The following STYXL1 variants were observed in gnomAD, a reference collection of about 807,000 sequenced individuals.
STYXL1 encodes the protein serine/threonine/tyrosine interacting like 1, also known as serine/threonine/tyrosine-interacting-like protein 1.
In STYXL1, 32 loss-of-function variants were observed where a neutral mutation model predicts 36.4. That is an observed-to-expected ratio of 0.88 (90% CI 0.66 to 1.18). The LOEUF (loss-of-function observed/expected upper bound fraction) is 1.18. STYXL1 is among the 50% of genes most tolerant of loss of function. The pLI, the probability that STYXL1 is intolerant of heterozygous loss-of-function variation, is 0.00. For synonymous variants in STYXL1, 133 were observed against 144.1 expected, an observed-to-expected ratio of 0.92 and a Z score of 0.55; for missense variants, 354 against 394.1, an observed-to-expected ratio of 0.90 and a Z score of 0.86.
chr7:76,021,793 A>C, intron 4 of STYXL1, 58 bp downstream of exon 4: 2 of 1,289,600 alleles, frequency 1.6e-6, no homozygotes, highest in Non-Finnish European at 2.2e-6. Context: ...TTGGTCCTAT[A>C]ACAAATTTGT....
intron 1 of STYXL1, among the ~76,000 whole-genome samples, chr7:76,034,381 A>G (rs574118427): frequency 1.3e-5 from 2 of 152,232 alleles, no homozygotes; most frequent in South Asian, 2.1e-4. Context: ...AACAATGTCC[A>G]TCTTGCCTAA....
chr7:76,013,664 C>G (rs1420572008), intron 5 of STYXL1, 78 bp downstream of exon 5: 3 of 1,593,288 alleles, frequency 1.9e-6, no homozygotes, highest in Non-Finnish European at 2.6e-6. Context: ...CCTGTTTCTC[C>G]CACTCAGTCA....
chr7:76,009,379 T>C (rs1792256231), intron 5 of STYXL1, among the ~76,000 whole-genome samples: 1 of 149,590 alleles, frequency 6.7e-6, no homozygotes, highest in Non-Finnish European at 1.5e-5. Context: ...TATGCCCTCA[T>C]GTCTGATCGG....
At chr7:76,046,340 G>GCA (rs1797062787) in intron 1 of STYXL1, among the ~76,000 whole-genome samples, 2 of 21,794 alleles carry the variant, frequency 9.2e-5, no homozygotes, top group African/African-American at 1.6e-4. Flanking sequence ...GTGTGTGTGT[G>GCA]CGCGCGCGCG....
At chr7:76,005,904 G>GGAGGAGGAGGAGGAGA (rs1563468409) in intron 5 of STYXL1, among the ~76,000 whole-genome samples, 6 of 139,082 alleles carry the variant, frequency 4.3e-5, no homozygotes, top group African/African-American at 1.6e-4. Flanking sequence ...GGAGGAGAGA[G>GGAGGAGGAGGAGGAGA]GAGGAGGAGG....
intron 8 of STYXL1, chr7:76,000,358 C>T: frequency 2.2e-6 from 1 of 451,850 alleles, no homozygotes; most frequent in Non-Finnish European, 4.5e-6. Flanking sequence ...CATCCCTGGG[C>T]AAATGTTGGG....
rs760860016 is a variant in STYXL1 at position 76,041,755 on chromosome 7, T to G, written c.-5+5907A>C. Reference sequence around the variant, plus strand: ...TCTGTGACAGCAACAGAAAAGAGACTAAGACAGGCTGTCAATGTATTTGTA... The same window carrying G: ...TCTGTGACAGCAACAGAAAAGAGACGAAGACAGGCTGTCAATGTATTTGTA... On this transcript the variant is annotated intron_variant, in intron 1 of 8. Transcript: ENST00000359697. Among the ~76,000 whole-genome samples, 8 of 152,190 alleles carry G rather than the reference T, an allele frequency of 5.3e-5. 1 individual carries two copies. The highest frequency in any genetic ancestry group is 5.2e-4 in the Admixed American group (8 of 15,270).
At chr7:76,020,859 G>A (rs1188039456) in intron 4 of STYXL1, among the ~76,000 whole-genome samples, 20 of 152,074 alleles carry the variant, frequency 1.3e-4, no homozygotes, top group Admixed American at 1.1e-3. Flanking sequence ...CTGTTCTGCA[G>A]ATCCAAGTAA....
At chr7:76,004,133 G>A (rs1212810564) in intron 6 of STYXL1, among the ~76,000 whole-genome samples, 1 of 151,996 alleles carries the variant, frequency 6.6e-6, no homozygotes, top group Non-Finnish European at 1.5e-5. Context: ...CCGCTCTGTT[G>A]CCCAGGCTGG....
At chr7:76,040,605 G>C (rs1295246525) in intron 1 of STYXL1, among the ~76,000 whole-genome samples, 2 of 152,182 alleles carry the variant, frequency 1.3e-5, no homozygotes, top group Non-Finnish European at 2.9e-5. Flanking sequence ...TTGGGAGACC[G>C]AGGCAGGAGG....
intron 4 of STYXL1, among the ~76,000 whole-genome samples, chr7:76,021,595 A>G (rs1052144999): frequency 2.6e-5 from 4 of 151,832 alleles, no homozygotes; most frequent in Admixed American, 6.6e-5. Flanking sequence ...AATGACCCCA[A>G]CTTTCCAGTC....
chr7:76,040,553 C>G (rs781811446), intron 1 of STYXL1, among the ~76,000 whole-genome samples: 1 of 152,074 alleles, frequency 6.6e-6, no homozygotes, highest in Non-Finnish European at 1.5e-5. Context: ...AGCTATTTAT[C>G]TAAGGCTGGG....
chr7:76,032,370 G>A (rs1437620972), intron 1 of STYXL1, among the ~76,000 whole-genome samples: 1 of 145,388 alleles, frequency 6.9e-6, no homozygotes, highest in Non-Finnish European at 1.5e-5. Flanking sequence ...CCACAATCCC[G>A]TCTGGGCAAC....
At chr7:76,009,405 C>T (rs1554571561) in intron 5 of STYXL1, among the ~76,000 whole-genome samples, 1 of 151,628 alleles carries the variant, frequency 6.6e-6, no homozygotes. Context: ...CCTCCTAAAT[C>T]TTTCTTTCTT....
At chr7:76,036,341 TCTGC>T (rs1484773231) in intron 1 of STYXL1, among the ~76,000 whole-genome samples, 5 of 149,994 alleles carry the variant, frequency 3.3e-5, no homozygotes, top group African/African-American at 9.7e-5. Context: ...CCTCAGGTGA[TCTGC>T]CTGCCTTGGC....
chr7:76,047,122 C>T (rs1391273449), intron 1 of STYXL1, among the ~76,000 whole-genome samples: 1 of 151,744 alleles, frequency 6.6e-6, no homozygotes, highest in African/African-American at 2.4e-5. Context: ...AAAAATTAGC[C>T]AGGTGTAGTG....
At chr7:76,037,653 C>A (rs782575857) in intron 1 of STYXL1, among the ~76,000 whole-genome samples, 1 of 149,694 alleles carries the variant, frequency 6.7e-6, no homozygotes, top group Non-Finnish European at 1.5e-5. Flanking sequence ...TGTAGGAGTT[C>A]GAGGATACTG....
chr7:76,008,594 AC>A (rs1402104873), intron 5 of STYXL1, among the ~76,000 whole-genome samples: 1 of 151,446 alleles, frequency 6.6e-6, no homozygotes, highest in African/African-American at 2.4e-5. Context: ...GAGATGCATG[AC>A]CCCCCACTGC....
intron 4 of STYXL1, among the ~76,000 whole-genome samples, chr7:76,015,399 C>T (rs532441120): frequency 6.6e-6 from 1 of 152,196 alleles, no homozygotes; most frequent in African/African-American, 2.4e-5. Context: ...AAATGTAACA[C>T]CTGAAAACTA....
Sources: gnomAD v4.1 joint callset for allele counts (sites outside exome capture counted in the v4.1 genomes callset) on GRCh38, gnomAD v4.1.1 for gene constraint, MANE v1.5 for transcripts, NCBI Gene and HGNC (gene_info 2026-07-23, HGNC 2026-07-21) for gene names.